The following CDH4 variants were observed in gnomAD, a reference collection of about 807,000 sequenced individuals.
CDH4 encodes cadherin 4.
CDH4 carries 33 observed loss-of-function variants against 86.0 expected under a neutral mutation model. That is an observed-to-expected ratio of 0.38 (90% CI 0.29 to 0.51). The LOEUF is 0.51. Ranked by LOEUF, CDH4 falls within the 20% of genes least tolerant of loss-of-function variation. The pLI is 0.86. For missense variants in CDH4, 1,114 were observed against 1,307.4 expected (o/e 0.85, Z 2.28); for synonymous variants, 555 against 549.4 (o/e 1.01, Z -0.14).
At chr20:61,583,150 CGG>C (rs2086442273) in intron 2 of CDH4, among the ~76,000 whole-genome samples, 2 of 66,394 alleles carry the variant, frequency 3.0e-5, no homozygotes, top group Non-Finnish European at 6.0e-5. Context: ...GAGGGCTCTG[CGG>C]AGGGACAGAG....
intron 5 of CDH4, among the ~76,000 whole-genome samples, 168 bp from the exon 6 acceptor site, chr20:61,852,586 G>A (rs1382118042): frequency 4.6e-5 from 7 of 152,204 alleles, no homozygotes; most frequent in Non-Finnish European, 7.3e-5. Flanking sequence ...CTGCAGAGGA[G>A]AGAGCTGAGG....
chr20:61,561,904 C>T (rs2086218794), intron 2 of CDH4, among the ~76,000 whole-genome samples: 1 of 152,254 alleles, frequency 6.6e-6, no homozygotes, highest in Admixed American at 6.5e-5. Flanking sequence ...CGCCATGTTT[C>T]TGGGCAGTGA....
At chr20:61,533,017 G>A (rs1414971880) in intron 2 of CDH4, among the ~76,000 whole-genome samples, 1 of 152,088 alleles carries the variant, frequency 6.6e-6, no homozygotes, top group Non-Finnish European at 1.5e-5. Flanking sequence ...CTTTCCAAAT[G>A]GCCTCTTCTG....
intron 2 of CDH4, among the ~76,000 whole-genome samples, chr20:61,372,574 G>T (rs1458004268): frequency 2.0e-5 from 3 of 152,346 alleles, no homozygotes; most frequent in Middle Eastern, 6.8e-3. Context: ...CCTCTGGATT[G>T]CTCCTGGGTC....
At chr20:61,601,283 G>A (rs1376833865) in intron 2 of CDH4, among the ~76,000 whole-genome samples, 4 of 152,088 alleles carry the variant, frequency 2.6e-5, no homozygotes, top group African/African-American at 7.2e-5. Context: ...CTGTGGTGAG[G>A]ACAGCACCAA....
Position 61,703,105 on chromosome 20 carries a change from G to A in CDH4, c.170-40458G>A, listed in dbSNP as rs1431675318. Among the ~76,000 whole-genome samples, 8 of 152,328 alleles carry A rather than the reference G, an allele frequency of 5.3e-5. No individual in the cohort carries two copies. The highest frequency in any genetic ancestry group is 1.9e-4 in the African/African-American group (8 of 41,574). ...TCCCTCTTGGCTGAATTTACACTCT[G>A]GTGGGGCAGGGGGCCACGGGATGTT... is the stretch of plus-strand genomic sequence containing the variant. On this transcript the variant is annotated intron_variant, in intron 2 of 15. Coordinates refer to ENST00000614565, the MANE Select transcript of CDH4 (RefSeq NM_001794.5). The surrounding 1 kb of genome is among the most constrained non-coding windows in gnomAD (Gnocchi z 4.3).
At chr20:61,865,968 T>C (rs1275518213) in intron 6 of CDH4, among the ~76,000 whole-genome samples, 1 of 152,180 alleles carries the variant, frequency 6.6e-6, no homozygotes, top group Non-Finnish European at 1.5e-5. Flanking sequence ...TTTGATCTGG[T>C]CATTGCTCGT....
At chr20:61,385,493 G>C (rs1260753859) in intron 2 of CDH4, among the ~76,000 whole-genome samples, 2 of 151,924 alleles carry the variant, frequency 1.3e-5, no homozygotes, top group Non-Finnish European at 2.9e-5. Flanking sequence ...AAGAATTCTT[G>C]AACGCTTCCT....
chr20:61,910,606 AG>A lies in CDH4; in HGVS notation c.1374+1del. The stretch of plus-strand genomic sequence containing the variant: ...AACGAGGGCATGGTCACCGTGGTGA[AG>A]GTGCGTACTCTTCTCACACCCTGCC... ...VTNEGMVTVV[K>X]AVDYELNRAF... On this transcript the variant is annotated frameshift_variant and splice_region_variant, in exon 9 of 16. Coordinates refer to ENST00000614565, the MANE Select transcript of CDH4 (RefSeq NM_001794.5). LOFTEE classifies it high-confidence loss of function. 1 of 1,612,568 alleles carries A rather than the reference AG, an allele frequency of 6.2e-7. No homozygotes were observed. The highest frequency in any genetic ancestry group is 8.5e-7 in the Non-Finnish European group (1 of 1,179,088).
At chr20:61,573,708 C>T (rs765248924) in intron 2 of CDH4, among the ~76,000 whole-genome samples, 2 of 152,192 alleles carry the variant, frequency 1.3e-5, no homozygotes, top group African/African-American at 2.4e-5. Context: ...GGGTTCCTGC[C>T]ATTCCTAGCA....
chr20:61,775,412 C>A (rs1170559485), intron 4 of CDH4, among the ~76,000 whole-genome samples: 2 of 151,994 alleles, frequency 1.3e-5, no homozygotes, highest in African/African-American at 4.8e-5. Context: ...AGACAGTCAT[C>A]GATCTTACTC....
chr20:61,920,420 C>T (rs974101376), intron 9 of CDH4, among the ~76,000 whole-genome samples: 27 of 126,588 alleles, frequency 2.1e-4, no homozygotes, highest in African/African-American at 6.5e-4. Context: ...GGTGTGATTG[C>T]GTGGAAGCGT....
chr20:61,745,516 T>C (rs935302701), intron 3 of CDH4, among the ~76,000 whole-genome samples: 3 of 152,140 alleles, frequency 2.0e-5, no homozygotes, highest in African/African-American at 7.2e-5. Flanking sequence ...TCCTCCTGAG[T>C]GTGTTAAACC....
intron 2 of CDH4, among the ~76,000 whole-genome samples, chr20:61,451,136 C>T (rs2085377885): frequency 1.4e-5 from 2 of 142,686 alleles, no homozygotes; most frequent in African/African-American, 5.3e-5. Flanking sequence ...CCCCCCTTCC[C>T]TCCGTGTCAT....
intron 2 of CDH4, among the ~76,000 whole-genome samples, chr20:61,652,938 A>ATTTATTTTTTTTTTTTTTTTTT (rs1555819716): frequency 2.1e-5 from 2 of 97,422 alleles, no homozygotes; most frequent in African/African-American, 6.7e-5. Context: ...TTATTTATTT[A>ATTTATTTTTTTTTTTTTTTTTT]TTTTTTTTTT....
chr20:61,612,312 A>C (rs750548561), intron 2 of CDH4, among the ~76,000 whole-genome samples: 91 of 152,234 alleles, frequency 6.0e-4, no homozygotes, highest in Middle Eastern at 3.4e-3. Flanking sequence ...CCTGTCAAAC[A>C]CTAGGTCTTA....
intron 2 of CDH4, among the ~76,000 whole-genome samples, chr20:61,473,910 G>A (rs1211618738): frequency 6.6e-6 from 1 of 152,076 alleles, no homozygotes; most frequent in African/African-American, 2.4e-5. Context: ...ATCAGCTGTG[G>A]ATGAATAGCC....
At chr20:61,772,956 A>G in intron 3 of CDH4, 47 bp from the exon 4 acceptor site, 1 of 1,557,918 alleles carries the variant, frequency 6.4e-7, no homozygotes, top group South Asian at 1.2e-5. Flanking sequence ...CTCTGTGCAA[A>G]ACCTAACTGG....
intron 4 of CDH4, among the ~76,000 whole-genome samples, chr20:61,790,175 CCATT>C (rs1027613533): frequency 2.6e-5 from 4 of 151,938 alleles, no homozygotes; most frequent in African/African-American, 9.7e-5. Context: ...CATCCGTCAT[CCATT>C]CATCCATCCA....
Sources: allele counts gnomAD v4.1 joint callset (sites outside exome capture counted in the v4.1 genomes callset), GRCh38; gene constraint gnomAD v4.1.1; non-coding constraint Gnocchi (gnomAD v3.1); transcripts MANE v1.5; gene names NCBI Gene and HGNC (gene_info 2026-07-23, HGNC 2026-07-21).